COL4A2: variants seen among roughly 807,000 people sequenced by gnomAD.
The protein encoded by COL4A2 is collagen type IV alpha 2 chain.
A neutral mutation model predicts 200.2 loss-of-function variants in COL4A2; 99 were observed. The ratio of observed to expected loss-of-function variants is 0.49; its 90% CI spans 0.42 to 0.58. The LOEUF is 0.58. Among genes scored for constraint, COL4A2 ranks in the 20% least tolerant of loss-of-function variants. The pLI is 0.00. For synonymous variants in COL4A2, 897 were observed against 900.6 expected (o/e 1.00, Z 0.07); for missense variants, 1,950 against 2,314.1 (o/e 0.84, Z 3.23).
chr13:110,506,175 A>ACT (rs369405869), intron 45 of COL4A2, among the ~76,000 whole-genome samples: 4 of 138,908 alleles, frequency 2.9e-5, no homozygotes, highest in Non-Finnish European at 3.1e-5. Flanking sequence ...TAGGCCGTCC[A>ACT]CTCTCTCTCT....
intron 34 of COL4A2, among the ~76,000 whole-genome samples, chr13:110,487,898 G>A (rs1883163948): frequency 6.6e-6 from 1 of 152,190 alleles, no homozygotes; most frequent in South Asian, 2.1e-4. Flanking sequence ...TTTAAGATGA[G>A]TGGACATTAC....
At chr13:110,473,506 C>G (rs1882563218) in intron 29 of COL4A2, 1 of 248,016 alleles carries the variant, frequency 4.0e-6, no homozygotes, top group African/African-American at 2.2e-5. Flanking sequence ...GGGCCCTGGC[C>G]ATGCTTAGTC....
intron 4 of COL4A2, among the ~76,000 whole-genome samples, chr13:110,423,993 C>A (rs1364390568): frequency 6.6e-6 from 1 of 152,146 alleles, no homozygotes; most frequent in Non-Finnish European, 1.5e-5. Context: ...TGTTGTGAAT[C>A]ACGCTGCTGT....
intron 4 of COL4A2, among the ~76,000 whole-genome samples, chr13:110,388,175 T>C (rs1338209496): frequency 6.6e-6 from 1 of 152,224 alleles, no homozygotes; most frequent in Non-Finnish European, 1.5e-5. Context: ...AACATTTCTA[T>C]GCAATATGAA....
At position 110,430,586 on chromosome 13, in the gene COL4A2, A is replaced by G. The variant is rs1281819848; in HGVS notation, c.627A>G (p.Pro209=). Residue 209 remains proline, a synonymous_variant, in exon 10 of 48, where the codon CCA becomes CCG. Coordinates refer to ENST00000360467, the MANE Select transcript of COL4A2 (RefSeq NM_001846.4). ...CTGGGCATGTGGGACAGATGGGTCCAGTTGGAGCTCCAGGGAGACCAGTAA... is the reference window on the plus strand; with the variant it reads ...CTGGGCATGTGGGACAGATGGGTCCGGTTGGAGCTCCAGGGAGACCAGTAA... ...GRPGHVGQMG[P]VGAPGRPGPP... 2 of 1,614,110 alleles carry G rather than the reference A, an allele frequency of 1.2e-6. No individual in the cohort carries two copies. Among genetic ancestry groups the G allele is most frequent in the Non-Finnish European group, 1.7e-6 (2 of 1,180,034 alleles).
At chr13:110,411,452 A>G (rs9559794) in intron 4 of COL4A2, among the ~76,000 whole-genome samples, 21,332 of 152,190 alleles carry the variant, frequency 0.14, 1,798 homozygotes, top group East Asian at 0.36. Flanking sequence ...TCCTCTGCAT[A>G]CCTTTTGACC....
At chr13:110,471,857 G>T (rs1007467951) in intron 28 of COL4A2, among the ~76,000 whole-genome samples, 1 of 152,160 alleles carries the variant, frequency 6.6e-6, no homozygotes, top group African/African-American at 2.4e-5. Flanking sequence ...TTGTCCCACA[G>T]AATCACCTGC....
rs1566576562 is a variant in COL4A2, at chr13:110,511,227, T to TTCA, written c.4882-706_4882-705insCAT. Among the ~76,000 whole-genome samples the TTCA allele has an allele frequency of 5.9e-4, 86 of 145,256 alleles. 1 individual carries two copies. The South Asian group carries it at 0.014, about 24-fold the overall frequency. On this transcript the variant is annotated intron_variant, in intron 47 of 47. Transcript: ENST00000360467. ...ATGTTGATGCAACAGAAAGTAGAAC[T>TTCA]TTAAAATGAAAAAAAAAAAAAGGCT...
At chr13:110,398,965 C>CA (rs983171102) in intron 4 of COL4A2, among the ~76,000 whole-genome samples, 1 of 151,894 alleles carries the variant, frequency 6.6e-6, no homozygotes, top group African/African-American at 2.4e-5. Context: ...CAAAGGAGAT[C>CA]AACCACAAAT....
Position 110,465,606 on chromosome 13 carries a change from G to A in COL4A2, c.1978G>A (p.Asp660Asn). 6.2e-7 allele frequency: 1 copy of A among 1,604,926 alleles called. No homozygotes were observed. The highest frequency in any genetic ancestry group is 1.3e-5 in the African/African-American group (1 of 74,316). The change falls in exon 25 of 48, where the codon GAT (aspartate) becomes AAT (asparagine). Residue 660 changes from aspartate to asparagine, a missense_variant and splice_region_variant. Asp to Asn is a conservative substitution (Grantham distance 23, BLOSUM62 1). Around this residue, in one of 2 missense-constraint regions of COL4A2, gnomAD observed 1,385 missense variants for 1,720.5 expected, o/e 0.80. Coordinates refer to ENST00000360467, the MANE Select transcript of COL4A2 (RefSeq NM_001846.4). ...CCCCGCAGGGACCCCAGGACAAATA[G>A]GTATGAAGGAATCCTCCCTTTTACC... The part of the protein sequence containing the change: ...PGPAGTPGQI[D>N]CDTDVKRAVG...
At chr13:110,311,971 G>A (rs1357412441) in intron 3 of COL4A2, among the ~76,000 whole-genome samples, 13 of 152,354 alleles carry the variant, frequency 8.5e-5, no homozygotes, top group South Asian at 6.2e-4. Flanking sequence ...CGGCAGCTGC[G>A]GTGGCAAGTC....
chr13:110,336,190 C>G (rs1876177605), intron 3 of COL4A2, among the ~76,000 whole-genome samples: 1 of 152,156 alleles, frequency 6.6e-6, no homozygotes. Flanking sequence ...TGAGAGTAGG[C>G]CATTTCCTCT....
chr13:110,475,568 T>G (rs1566556093), intron 29 of COL4A2, among the ~76,000 whole-genome samples: 1 of 152,250 alleles, frequency 6.6e-6, no homozygotes. Flanking sequence ...TGATCAATGT[T>G]ACCTTTATGA....
intron 3 of COL4A2, among the ~76,000 whole-genome samples, chr13:110,312,129 G>GAA (rs1331405934): frequency 6.6e-6 from 1 of 152,200 alleles, no homozygotes; most frequent in Non-Finnish European, 1.5e-5. Flanking sequence ...GAGAAGAAGG[G>GAA]AAAAGCACGG....
chr13:110,353,434 G>A (rs371708321), intron 3 of COL4A2, among the ~76,000 whole-genome samples: 13 of 152,304 alleles, frequency 8.5e-5, no homozygotes, highest in Middle Eastern at 3.4e-3. Flanking sequence ...CAGCAGGTGC[G>A]TGCAGTCGGT....
In COL4A2 at chr13:110,458,858, T is replaced by C; in HGVS notation, c.1520T>C (p.Ile507Thr). 6.2e-7 allele frequency: 1 copy of C among 1,613,106 alleles called. No individual in the cohort carries two copies. Among genetic ancestry groups the C allele is most frequent in the Non-Finnish European group, 8.5e-7 (1 of 1,179,534 alleles). Residue 507 changes from isoleucine to threonine, a missense_variant, in exon 22 of 48, where the codon ATC becomes ACC. Physicochemically the swap from Ile to Thr is moderately conservative, Grantham distance 89 (BLOSUM62 -1). Around this residue, in one of 2 missense-constraint regions of COL4A2, gnomAD observed 1,385 missense variants for 1,720.5 expected, o/e 0.80. Transcript: ENST00000360467. ...CCAGGACCCAAGGGCTTCGCAGGCA[T>C]CAACGGGGAGCCGGGGAGGAAAGGG... is the stretch of plus-strand genomic sequence containing the variant. ...GLPGPKGFAG[I>T]NGEPGRKGDR...
intron 3 of COL4A2, among the ~76,000 whole-genome samples, chr13:110,354,207 G>C (rs922724038): frequency 6.6e-6 from 1 of 152,162 alleles, no homozygotes; most frequent in African/African-American, 2.4e-5. Flanking sequence ...CAGGAGGCCC[G>C]CCTGCCCTTC....
intron 4 of COL4A2, among the ~76,000 whole-genome samples, chr13:110,372,519 G>A (rs1322081976): frequency 6.6e-6 from 1 of 152,126 alleles, no homozygotes; most frequent in African/African-American, 2.4e-5. Flanking sequence ...TTCAAATCTG[G>A]AGACATTTTA....
intron 42 of COL4A2, 30 bp from the exon 43 acceptor site, chr13:110,503,353 C>T (rs764518807): frequency 7.6e-6 from 12 of 1,588,084 alleles, no homozygotes; most frequent in Middle Eastern, 1.7e-4. Flanking sequence ...CACAGACTTT[C>T]GTGTCCCTAA....
Sources: gnomAD v4.1 joint callset for allele counts (sites outside exome capture counted in the v4.1 genomes callset) on GRCh38, gnomAD v4.1.1 for gene constraint, gnomAD v4.1.1 regional missense constraint, MANE v1.5 for transcripts, NCBI Gene and HGNC (gene_info 2026-07-23, HGNC 2026-07-21) for gene names.